Variants in NCOA1 observed in about 807,000 individuals in gnomAD.
NCOA1 encodes the protein nuclear receptor coactivator 1.
Under a neutral mutation model 150.9 loss-of-function variants are expected in NCOA1, and 35 were observed. The observed-to-expected ratio is 0.23, with a 90% confidence interval of 0.18 to 0.31. The LOEUF (loss-of-function observed/expected upper bound fraction) is 0.31, where lower values mean the gene tolerates loss of function less well. Among genes scored for constraint, NCOA1 ranks in the 10% least tolerant of loss-of-function variants. The pLI is 1.00. For synonymous variants in NCOA1, 590 were observed against 630.0 expected, an observed-to-expected ratio of 0.94 and a Z score of 0.95; for missense variants, 1,491 against 1,749.3, an observed-to-expected ratio of 0.85 and a Z score of 2.63.
rs187805284 is a variant in NCOA1 at position 24,638,830 on chromosome 2, C to A, written c.-174-5136C>A. Among the ~76,000 whole-genome samples the A allele has an allele frequency of 2.6e-5, 4 of 152,056 alleles. No homozygotes were observed. In the East Asian group the frequency reaches 7.7e-4, roughly 29 times the overall value. On this transcript the variant is annotated intron_variant, in intron 3 of 22. Transcript: ENST00000348332. ...GAAATGCCTGTTCAGATTATTTGCC[C>A]ATTTTTAAAATCAGATTGTTGTTGT...
At chr2:24,519,304 C>T (rs1664327929) in intron 1 of NCOA1, among the ~76,000 whole-genome samples, 2 of 152,050 alleles carry the variant, frequency 1.3e-5, no homozygotes, top group Admixed American at 6.5e-5. Flanking sequence ...AAAAGCCAGT[C>T]ACAAAAGATC....
At chr2:24,750,929 G>A (rs537397274) in intron 19 of NCOA1, among the ~76,000 whole-genome samples, 6 of 150,092 alleles carry the variant, frequency 4.0e-5, no homozygotes, top group Admixed American at 2.0e-4. Context: ...GGGGAAGGAG[G>A]GGGGGAAGAG....
intron 1 of NCOA1, among the ~76,000 whole-genome samples, chr2:24,527,285 T>G (rs1664691564): frequency 6.6e-6 from 1 of 152,216 alleles, no homozygotes; most frequent in African/African-American, 2.4e-5. Flanking sequence ...ACATATCTGC[T>G]ACTTTGTATC....
chr2:24,498,195 A>T (rs1255568374), intron 1 of NCOA1, among the ~76,000 whole-genome samples: 3 of 152,226 alleles, frequency 2.0e-5, no homozygotes, highest in Non-Finnish European at 4.4e-5. Context: ...CTCCCTCTCC[A>T]TTCTAAATGG....
chr2:24,617,014 A>G (rs936779526), intron 3 of NCOA1, among the ~76,000 whole-genome samples: 1 of 152,172 alleles, frequency 6.6e-6, no homozygotes, highest in Non-Finnish European at 1.5e-5. Context: ...AAAACCTTGG[A>G]TGGAGAGATA....
intron 3 of NCOA1, among the ~76,000 whole-genome samples, chr2:24,634,580 C>A (rs1669850385): frequency 6.6e-6 from 1 of 152,092 alleles, no homozygotes; most frequent in South Asian, 2.1e-4. Flanking sequence ...GACAGAAGGT[C>A]CTTTACCCAT....
chr2:24,751,158 G>A (rs1254051098), intron 19 of NCOA1, among the ~76,000 whole-genome samples: 2 of 150,508 alleles, frequency 1.3e-5, no homozygotes, highest in Non-Finnish European at 3.0e-5. Context: ...GTAGAGATGG[G>A]GTTTCTCATG....
chr2:24,690,269 G>T (rs1672598568), intron 8 of NCOA1, among the ~76,000 whole-genome samples: 1 of 152,068 alleles, frequency 6.6e-6, no homozygotes, highest in South Asian at 2.1e-4. Flanking sequence ...TTGTTTCCAT[G>T]ATTTCCTCTA....
intron 1 of NCOA1, among the ~76,000 whole-genome samples, chr2:24,512,579 G>A (rs1206031233): frequency 6.6e-6 from 1 of 152,176 alleles, no homozygotes; most frequent in Admixed American, 6.5e-5. Context: ...AAAACTCAGA[G>A]TCTAAAATTA....
chr2:24,760,141 T>C (rs183092744), intron 21 of NCOA1, among the ~76,000 whole-genome samples: 226 of 150,258 alleles, frequency 1.5e-3, no homozygotes, highest in Non-Finnish European at 2.6e-3. Context: ...CTTTTTTTTT[T>C]TCTTTTTTTT....
chr2:24,647,525 T>G (rs1670527965), intron 4 of NCOA1, among the ~76,000 whole-genome samples: 1 of 152,190 alleles, frequency 6.6e-6, no homozygotes, highest in Non-Finnish European at 1.5e-5. Flanking sequence ...ACATAAGTGT[T>G]AGTATTCATT....
chr2:24,610,767 GTT>G (rs200715486), intron 3 of NCOA1, among the ~76,000 whole-genome samples: 1 of 140,058 alleles, frequency 7.1e-6, no homozygotes, highest in Non-Finnish European at 1.6e-5. Flanking sequence ...ATTTATTGTG[GTT>G]TTTTTTTTTT....
At chr2:24,552,967 A>G (rs1220041777) in intron 1 of NCOA1, among the ~76,000 whole-genome samples, 1 of 152,168 alleles carries the variant, frequency 6.6e-6, no homozygotes, top group East Asian at 1.9e-4. Context: ...TTTAAAATCC[A>G]TCTTCTGGCT....
At chr2:24,669,421 G>A (rs1380605662) in intron 6 of NCOA1, among the ~76,000 whole-genome samples, 1 of 152,138 alleles carries the variant, frequency 6.6e-6, no homozygotes, top group African/African-American at 2.4e-5. Flanking sequence ...ATAAGACCCA[G>A]AAATTGCATG....
At chr2:24,746,773 A>G (rs903650013) in intron 19 of NCOA1, among the ~76,000 whole-genome samples, 2 of 152,208 alleles carry the variant, frequency 1.3e-5, no homozygotes, top group Non-Finnish European at 2.9e-5. Context: ...CTATGATACT[A>G]TAATGGTGGG....
chr2:24,672,444 G>A (rs533104268), intron 6 of NCOA1, among the ~76,000 whole-genome samples: 1 of 152,166 alleles, frequency 6.6e-6, no homozygotes, highest in Admixed American at 6.5e-5. Context: ...ACCCAGGCTG[G>A]AGTGCAGTGG....
At chr2:24,503,461 T>C (rs1312667011) in intron 1 of NCOA1, among the ~76,000 whole-genome samples, 1 of 152,214 alleles carries the variant, frequency 6.6e-6, no homozygotes, top group Non-Finnish European at 1.5e-5. Flanking sequence ...GTCTTCACAA[T>C]AAAATACAAA....
At chr2:24,642,037 T>TGTGTGTGTGTGTGTGTGCGTGCGCGC (rs942145000) in intron 3 of NCOA1, among the ~76,000 whole-genome samples, 2 of 138,452 alleles carry the variant, frequency 1.4e-5, no homozygotes, top group African/African-American at 2.6e-5. Flanking sequence ...TGTGTGTGTG[T>TGTGTGTGTGTGTGTGTGCGTGCGCGC]GCGCGCGTGC....
At chr2:24,577,090 G>A (rs1384574351) in intron 2 of NCOA1, among the ~76,000 whole-genome samples, 2 of 151,902 alleles carry the variant, frequency 1.3e-5, no homozygotes, top group African/African-American at 4.8e-5. Context: ...TTTTTCAGCT[G>A]GATTATATTT....
Sources: gnomAD v4.1 joint callset for allele counts (sites outside exome capture counted in the v4.1 genomes callset) on GRCh38, gnomAD v4.1.1 for gene constraint, MANE v1.5 for transcripts, NCBI Gene and HGNC (gene_info 2026-07-23, HGNC 2026-07-21) for gene names.